Variants in CADPS observed in about 807,000 individuals in gnomAD.
CADPS encodes the protein calcium-dependent secretion activator 1.
CADPS carries 57 observed loss-of-function variants against 167.3 expected under a neutral mutation model. The observed-to-expected ratio is 0.34, with a 90% CI of 0.28 to 0.42. The LOEUF is 0.42. Among genes scored for constraint, CADPS ranks in the 20% least tolerant of loss-of-function variants. The probability of loss-of-function intolerance (pLI) is 1.00; values close to 1 mark genes in which losing one functional copy is unlikely to be tolerated. For synonymous variants in CADPS, 676 were observed against 635.3 expected (o/e 1.06, Z -0.96); for missense variants, 1,414 against 1,738.1 (o/e 0.81, Z 3.32).
chr3:62,511,636 T>C (rs143090880), intron 17 of CADPS, among the ~76,000 whole-genome samples: 15 of 152,280 alleles, frequency 9.9e-5, no homozygotes, highest in African/African-American at 3.4e-4. Context: ...AGCTCCCCTT[T>C]GCTTATTCTA....
At chr3:62,746,788 G>C (rs757195040) in intron 3 of CADPS, among the ~76,000 whole-genome samples, 3 of 152,164 alleles carry the variant, frequency 2.0e-5, no homozygotes, top group Non-Finnish European at 4.4e-5. Context: ...ATCCTTCCCT[G>C]TTGAGCCTCC....
chr3:62,615,887 T>G (rs896457495), intron 6 of CADPS, among the ~76,000 whole-genome samples: 7 of 152,176 alleles, frequency 4.6e-5, no homozygotes, highest in African/African-American at 1.7e-4. Flanking sequence ...ATAGGAATAA[T>G]AAGACAACCC....
At chr3:62,801,954 T>C (rs2093793562) in intron 1 of CADPS, among the ~76,000 whole-genome samples, 1 of 152,204 alleles carries the variant, frequency 6.6e-6, no homozygotes, top group Non-Finnish European at 1.5e-5. Context: ...TGTGCAGACA[T>C]CACTCTTTGT....
intron 3 of CADPS, among the ~76,000 whole-genome samples, chr3:62,704,706 G>T (rs2151635567): frequency 6.6e-6 from 1 of 152,144 alleles, no homozygotes; most frequent in South Asian, 2.1e-4. Context: ...AATAACATCA[G>T]TCAGCCATAG....
At chr3:62,869,866 G>A (rs1444158305) in intron 1 of CADPS, among the ~76,000 whole-genome samples, 1 of 152,092 alleles carries the variant, frequency 6.6e-6, no homozygotes, top group Admixed American at 6.6e-5. Context: ...ACAGATGCTG[G>A]TTATATTTCA....
At chr3:62,487,540 G>C (rs1043413029) in intron 21 of CADPS, among the ~76,000 whole-genome samples, 25 of 152,186 alleles carry the variant, frequency 1.6e-4, no homozygotes, top group Non-Finnish European at 3.2e-4. Flanking sequence ...GCTATGGTTA[G>C]AAGCAAAGAG....
chr3:62,733,235 A>G (rs2078282683), intron 3 of CADPS, among the ~76,000 whole-genome samples: 1 of 152,206 alleles, frequency 6.6e-6, no homozygotes, highest in Non-Finnish European at 1.5e-5. Context: ...CGGAGAGAAA[A>G]TGATTGAAAT....
intron 11 of CADPS, among the ~76,000 whole-genome samples, chr3:62,549,465 G>C (rs149494561): frequency 1.3e-5 from 1 of 79,756 alleles, no homozygotes; most frequent in African/African-American, 4.2e-5. Flanking sequence ...TTTTTTTTTC[G>C]CTGCATGTGA....
At chr3:62,790,087 G>T (rs1449249025) in intron 1 of CADPS, among the ~76,000 whole-genome samples, 3 of 152,102 alleles carry the variant, frequency 2.0e-5, no homozygotes, top group Admixed American at 2.0e-4. Flanking sequence ...TTTAAAATAT[G>T]TGATTTTTGA....
In CADPS at chr3:62,753,758, C is replaced by A. The variant is rs764052619; in HGVS notation, c.571G>T (p.Asp191Tyr). The A allele has an allele frequency of 5.6e-6, 9 of 1,612,456 alleles. No homozygotes were observed. The highest frequency in any genetic ancestry group is 7.6e-6 in the Non-Finnish European group (9 of 1,178,960). Reference protein sequence around the residue: ...QSYYEVFLKSDRVARMVQSGG... With the variant: ...QSYYEVFLKSYRVARMVQSGG... ...CTCTGAACCATGCGGGCCACACGGT[C>A]GCTCTTCAGGAACACCTGAGCAAGA... Residue 191 changes from aspartate to tyrosine, a missense_variant, in exon 3 of 30, where the codon GAC becomes TAC. Physicochemically the swap from Asp to Tyr is radical, Grantham distance 160. Transcript: ENST00000383710. The surrounding 1 kb of genome is among the most constrained non-coding windows in gnomAD (Gnocchi z 4.6).
chr3:62,815,495 T>C (rs1359035467), intron 1 of CADPS, among the ~76,000 whole-genome samples: 1 of 152,114 alleles, frequency 6.6e-6, no homozygotes, highest in South Asian at 2.1e-4. Context: ...TTCTGTTCCT[T>C]GATCTGGGTG....
In CADPS at chr3:62,418,887, G is replaced by A. The variant is rs74416868; in HGVS notation, c.3778-15702C>T. 1.8e-4 allele frequency among the ~76,000 whole-genome samples: 27 copies of A among 152,044 alleles called. No individual in the cohort carries two copies. In the East Asian group the frequency reaches 5.0e-3, roughly 28 times the overall value. On this transcript the variant is annotated intron_variant, in intron 28 of 29. Coordinates refer to ENST00000383710, the MANE Select transcript of CADPS (RefSeq NM_003716.4). ...TGCACAACAGAACTTCTGAAACTGC[G>A]GAATGTCTAAGAAATTAAATAAAAA...
intron 5 of CADPS, 144 bp downstream of exon 5, chr3:62,650,703 A>G (rs2069875026): frequency 1.6e-6 from 1 of 613,192 alleles, no homozygotes; most frequent in Non-Finnish European, 2.9e-6. Context: ...TCACTTGCTG[A>G]TTAGCTGACC....
At chr3:62,408,321 C>T (rs1354761916) in intron 28 of CADPS, among the ~76,000 whole-genome samples, 2 of 152,110 alleles carry the variant, frequency 1.3e-5, no homozygotes, top group African/African-American at 4.8e-5. Context: ...GGATTTTTTG[C>T]ACTAATTTTG....
intron 28 of CADPS, among the ~76,000 whole-genome samples, chr3:62,437,125 T>C (rs1441401345): frequency 6.6e-6 from 1 of 151,702 alleles, no homozygotes; most frequent in Non-Finnish European, 1.5e-5. Context: ...ACTAAAAATA[T>C]GGAAACCTGG....
intron 1 of CADPS, among the ~76,000 whole-genome samples, chr3:62,772,629 T>C (rs1458615388): frequency 1.3e-5 from 2 of 152,170 alleles, no homozygotes; most frequent in Non-Finnish European, 1.5e-5. Context: ...AATAAATATA[T>C]TTCTACTTGT....
At chr3:62,849,189 G>C (rs1042697711) in intron 1 of CADPS, among the ~76,000 whole-genome samples, 3 of 150,078 alleles carry the variant, frequency 2.0e-5, no homozygotes, top group Non-Finnish European at 4.5e-5. Flanking sequence ...GAGACAATGG[G>C]GTTTTCTAGA....
chr3:62,791,047 T>C (rs930823168), intron 1 of CADPS, among the ~76,000 whole-genome samples: 3 of 151,834 alleles, frequency 2.0e-5, no homozygotes, highest in African/African-American at 7.3e-5. Context: ...AATATTTCTG[T>C]TTCCCATCAA....
At chr3:62,599,741 AT>A (rs2059529042) in intron 6 of CADPS, among the ~76,000 whole-genome samples, 1 of 34,968 alleles carries the variant, frequency 2.9e-5, no homozygotes, top group South Asian at 8.7e-4. Context: ...TATATAATAT[AT>A]ATAATCTATT....
Sources: allele counts gnomAD v4.1 joint callset (sites outside exome capture counted in the v4.1 genomes callset), GRCh38; gene constraint gnomAD v4.1.1; non-coding constraint Gnocchi (gnomAD v3.1); transcripts MANE v1.5; gene names NCBI Gene and HGNC (gene_info 2026-07-23, HGNC 2026-07-21).